BTBD8: variants seen among roughly 807,000 people sequenced by gnomAD.
BTBD8 encodes BTB/POZ domain-containing protein 8.
Under a neutral mutation model 162.9 loss-of-function variants are expected in BTBD8, and 110 were observed. The ratio of observed to expected loss-of-function variants is 0.68; its 90% CI spans 0.58 to 0.79. The LOEUF (loss-of-function observed/expected upper bound fraction) is 0.79, where lower values mean the gene tolerates loss of function less well. Among genes scored for constraint, BTBD8 ranks in the 30% least tolerant of loss-of-function variants. The pLI is 0.00. For synonymous variants in BTBD8, 667 were observed against 716.1 expected, an observed-to-expected ratio of 0.93 and a Z score of 1.10; for missense variants, 1,905 against 2,085.4, an observed-to-expected ratio of 0.91 and a Z score of 1.68.
intron 1 of BTBD8, among the ~76,000 whole-genome samples, chr1:92,081,596 C>T (rs982158320): frequency 1.3e-5 from 2 of 151,396 alleles, no homozygotes; most frequent in South Asian, 2.1e-4. Context: ...TTTTTGGAGA[C>T]GGAGTCTCGC....
chr1:92,134,392 C>CTA (rs1649581694), intron 5 of BTBD8, among the ~76,000 whole-genome samples: 1 of 152,232 alleles, frequency 6.6e-6, no homozygotes, highest in Non-Finnish European at 1.5e-5. Context: ...TGGCCTCACT[C>CTA]TAGTTTTGTA....
chr1:92,119,141 A>T (rs1570728519), intron 4 of BTBD8, among the ~76,000 whole-genome samples: 1 of 151,848 alleles, frequency 6.6e-6, no homozygotes, highest in Non-Finnish European at 1.5e-5. Flanking sequence ...AATTTATTTT[A>T]AAAAACTATC....
intron 9 of BTBD8, among the ~76,000 whole-genome samples, chr1:92,161,661 T>C (rs540664584): frequency 1.3e-5 from 2 of 152,342 alleles, no homozygotes; most frequent in South Asian, 2.1e-4. Context: ...AGAACTACCA[T>C]GTCAGACCAT....
Position 92,177,243 on chromosome 1 carries a change from C to T in BTBD8, c.2050C>T (p.Gln684Ter). The T allele has an allele frequency of 6.4e-7, 1 of 1,552,006 alleles. No homozygotes were observed. The highest frequency in any genetic ancestry group is 8.7e-7 in the Non-Finnish European group (1 of 1,147,066). ...NLLNGKGVRN[Q>*]EGQISGARPK... The stretch of plus-strand genomic sequence containing the variant: ...ACTAAATGGAAAAGGAGTGAGAAAT[C>T]AGGAAGGGCAAATTTCAGGTGCCAG... The change falls in exon 14 of 18, where the codon CAG (glutamine) becomes TAG (stop). Residue 684 changes from glutamine to a stop codon, truncating the protein, a stop_gained. Coordinates refer to ENST00000636805, the MANE Select transcript of BTBD8 (RefSeq NM_001376131.1). LOFTEE classifies it high-confidence loss of function.
chr1:92,139,373 T>C lies in BTBD8; in HGVS notation c.776T>C (p.Val259Ala), dbSNP rs954112852. The C allele has an allele frequency of 1.9e-6, 3 of 1,592,020 alleles. No homozygotes were observed. The African/African-American group carries it at 4.1e-5, about 22-fold the overall frequency. The change falls in exon 6 of 18, where the codon GTT (valine) becomes GCT (alanine). Residue 259 changes from valine to alanine, a missense_variant. Transcript: ENST00000636805. ...AGTATAAGCCATGTAGAACTGAATG[T>C]TATGATGCATTTTATATATGGAGGA... ...LQGISHVELN[V>A]MMHFIYGGTL...
intron 4 of BTBD8, among the ~76,000 whole-genome samples, chr1:92,121,898 T>TG (rs1236042098): frequency 6.6e-6 from 1 of 151,958 alleles, no homozygotes; most frequent in African/African-American, 2.4e-5. Context: ...CTTGAGCTCC[T>TG]GGGCTTAAGG....
chr1:92,119,753 A>C (rs1256785061), intron 4 of BTBD8, among the ~76,000 whole-genome samples: 1 of 150,706 alleles, frequency 6.6e-6, no homozygotes, highest in African/African-American at 2.4e-5. Flanking sequence ...CAGCATCCCG[A>C]GTAGCTGGGA....
intron 4 of BTBD8, chr1:92,114,991 A>T: frequency 3.5e-6 from 1 of 288,400 alleles, no homozygotes; most frequent in Non-Finnish European, 6.7e-6. Context: ...GTAGCCCCAG[A>T]TGCCCTTGAG....
chr1:92,129,335 C>G (rs1649449436), intron 4 of BTBD8, among the ~76,000 whole-genome samples: 1 of 151,820 alleles, frequency 6.6e-6, no homozygotes. Flanking sequence ...ATTTAAAAAT[C>G]AAGTTGAGTG....
chr1:92,143,511 G>T (rs1206889101), intron 7 of BTBD8, among the ~76,000 whole-genome samples: 1 of 151,884 alleles, frequency 6.6e-6, no homozygotes, highest in African/African-American at 2.4e-5. Context: ...ATTTACGTAT[G>T]TATTTATTTA....
intron 4 of BTBD8, among the ~76,000 whole-genome samples, chr1:92,118,247 A>C (rs1649096510): frequency 6.8e-6 from 1 of 146,290 alleles, no homozygotes; most frequent in African/African-American, 2.5e-5. Context: ...CTGTCTCCTT[A>C]GGCTCCTCTT....
chr1:92,112,394 C>T (rs1648923253), intron 4 of BTBD8, among the ~76,000 whole-genome samples: 2 of 151,964 alleles, frequency 1.3e-5, no homozygotes, highest in African/African-American at 4.8e-5. Flanking sequence ...CAGAACAAGA[C>T]CCTGTCTCAA....
intron 2 of BTBD8, among the ~76,000 whole-genome samples, chr1:92,090,060 T>C (rs945456447): frequency 1.1e-4 from 17 of 152,250 alleles, no homozygotes; most frequent in African/African-American, 3.9e-4. Context: ...AAATTGTTTC[T>C]ATTAATACTT....
chr1:92,183,790 T>G, intron 17 of BTBD8, 74 bp from the exon 18 acceptor site: 2 of 920,760 alleles, frequency 2.2e-6, no homozygotes, highest in Non-Finnish European at 3.2e-6. Context: ...TGTTATATTG[T>G]GTTAATATTC....
At position 92,080,367 on chromosome 1, in the gene BTBD8, C is replaced by G. The variant is rs956193608; in HGVS notation, c.-205C>G. On this transcript the variant is annotated 5_prime_UTR_variant, in exon 1 of 18. Transcript: ENST00000636805. ...GCTCTTCCTGGGTCAAGAGCCGGCT[C>G]GGTTCTGGGATTCTGAGGCTCCCCA... is the stretch of plus-strand genomic sequence containing the variant. 7 of 668,182 alleles carry G rather than the reference C, an allele frequency of 1.0e-5. No homozygotes were observed. In the Admixed American group the frequency reaches 2.1e-4, roughly 21 times the overall value. 41.4% of individuals were successfully genotyped at this position (668,182 alleles called of 1,614,324 possible).
At chr1:92,167,735 G>A (rs920162984) in intron 10 of BTBD8, 113 bp from the exon 11 acceptor site, 24 of 794,700 alleles carry the variant, frequency 3.0e-5, no homozygotes, top group Middle Eastern at 2.8e-4. Context: ...GAAAAAATAC[G>A]ATTTCTGGTT....
chr1:92,103,044 G>A (rs993482033), intron 3 of BTBD8, among the ~76,000 whole-genome samples: 5 of 152,094 alleles, frequency 3.3e-5, no homozygotes, highest in Non-Finnish European at 7.4e-5. Flanking sequence ...AATACATATG[G>A]CATTTTACCA....
Position 92,176,995 on chromosome 1 carries a change from C to A in BTBD8, c.1802C>A (p.Thr601Asn). The A allele has an allele frequency of 6.5e-7, 1 of 1,547,732 alleles. No homozygotes were observed. ...ACCAATAGAAATAGTATAAATAAAA[C>A]TCTGAAGCAAGATGATGTAAAGGAA... ...SSTNRNSINK[T>N]LKQDDVKEKD... The change falls in exon 14 of 18, where the codon ACT becomes AAT. Residue 601 changes from threonine (T) to asparagine (N), a missense_variant. By Grantham distance (65) the Thr-to-Asn change is moderately conservative. Transcript: ENST00000636805.
intron 4 of BTBD8, among the ~76,000 whole-genome samples, chr1:92,118,592 C>T (rs2101917298): frequency 6.6e-6 from 1 of 152,032 alleles, no homozygotes; most frequent in African/African-American, 2.4e-5. Flanking sequence ...AAGGAAGTCA[C>T]TGTGTGTAGC....
Sources: allele counts gnomAD v4.1 joint callset (sites outside exome capture counted in the v4.1 genomes callset), GRCh38; gene constraint gnomAD v4.1.1; transcripts MANE v1.5; gene names NCBI Gene and HGNC (gene_info 2026-07-23, HGNC 2026-07-21).